Variants in STK32C observed in about 807,000 individuals in gnomAD.
STK32C encodes the protein serine/threonine kinase 32C.
STK32C carries 31 observed loss-of-function variants against 56.5 expected under a neutral mutation model. The ratio of observed to expected loss-of-function variants is 0.55; its 90% CI spans 0.41 to 0.74. The LOEUF is 0.74. Ranked by LOEUF, STK32C falls within the 30% of genes least tolerant of loss-of-function variation. The pLI is 0.00. For synonymous variants in STK32C, 309 were observed against 289.4 expected (o/e 1.07, Z -0.69); for missense variants, 544 against 676.9 (o/e 0.80, Z 2.18).
chr10:132,259,592 T>C (rs2064238341), intron 1 of STK32C, among the ~76,000 whole-genome samples: 1 of 152,218 alleles, frequency 6.6e-6, no homozygotes, highest in South Asian at 2.1e-4. Flanking sequence ...CTCTTCTACC[T>C]GCTCCAGCCA....
chr10:132,236,020 C>T lies in STK32C; in HGVS notation c.319-7892G>A, dbSNP rs908339213. 5.1e-4 allele frequency among the ~76,000 whole-genome samples: 77 copies of T among 152,300 alleles called. 2 individuals are homozygous for T. Among genetic ancestry groups the T allele is most frequent in the Admixed American group, 1.9e-3 (29 of 15,304 alleles). On this transcript the variant is annotated intron_variant, in intron 2 of 11. Transcript: ENST00000298630. ...TGTGGCTGTAACAGGATTGGTGTCGCGTCGGTCCCTGATGAGGCCGGACCC... is the reference window on the plus strand; with the variant it reads ...TGTGGCTGTAACAGGATTGGTGTCGTGTCGGTCCCTGATGAGGCCGGACCC...
At chr10:132,260,121 G>A (rs1351951167) in intron 1 of STK32C, among the ~76,000 whole-genome samples, 1 of 151,978 alleles carries the variant, frequency 6.6e-6, no homozygotes, top group Non-Finnish European at 1.5e-5. Flanking sequence ...AGGGTCACCT[G>A]GCTCAGGGAC....
intron 1 of STK32C, among the ~76,000 whole-genome samples, chr10:132,259,803 C>T (rs767743409): frequency 5.3e-5 from 8 of 152,240 alleles, no homozygotes; most frequent in Non-Finnish European, 8.8e-5. Flanking sequence ...GCCGGCATTC[C>T]GGAGCGGCCC....
rs920560162 is a variant in STK32C, at chr10:132,255,850, C to T, written c.263-9895G>A. Among the ~76,000 whole-genome samples, 1 of 152,206 alleles carries T rather than the reference C, an allele frequency of 6.6e-6. No individual in the cohort carries two copies. The highest frequency in any genetic ancestry group is 1.5e-5 in the Non-Finnish European group (1 of 68,018). The stretch of plus-strand genomic sequence containing the variant: ...AGCATTACGTGCGCTGCCCACGCAT[C>T]TCCGAGGGCCCAGCTGGCCACCTTC... On this transcript the variant is annotated intron_variant, in intron 1 of 11. Coordinates refer to ENST00000298630, the MANE Select transcript of STK32C (RefSeq NM_173575.4). The surrounding 1 kb of genome is among the most constrained non-coding windows in gnomAD (Gnocchi z 4.6).
chr10:132,290,907 C>A (rs1473437525), intron 1 of STK32C, among the ~76,000 whole-genome samples: 1 of 152,062 alleles, frequency 6.6e-6, no homozygotes, highest in Non-Finnish European at 1.5e-5. Context: ...TCCAGACCCA[C>A]CACACCCAGG....
At chr10:132,302,782 G>A (rs759673103) in intron 1 of STK32C, among the ~76,000 whole-genome samples, 6 of 152,172 alleles carry the variant, frequency 3.9e-5, no homozygotes, top group Non-Finnish European at 7.3e-5. Context: ...CCAACCGTGC[G>A]GGAGGAGCTG....
At chr10:132,222,380 A>G (rs3736260) in intron 10 of STK32C, among the ~76,000 whole-genome samples, 5,689 of 152,274 alleles carry the variant, frequency 0.037, 179 homozygotes, top group East Asian at 0.11. Flanking sequence ...CACCTGGGCA[A>G]GCACGAAGGC....
chr10:132,230,676 T>TGGTGGGGG (rs1301559652), intron 2 of STK32C, among the ~76,000 whole-genome samples: 2 of 6,772 alleles, frequency 3.0e-4, no homozygotes, highest in African/African-American at 6.2e-4. Flanking sequence ...GGGGGGAAGC[T>TGGTGGGGG]GGCGGGGGGG....
chr10:132,268,602 T>C (rs1204597011), intron 1 of STK32C, among the ~76,000 whole-genome samples: 3 of 150,190 alleles, frequency 2.0e-5, no homozygotes, highest in East Asian at 2.0e-4. Context: ...TTCAGCTCTA[T>C]GCCTGTGTGC....
chr10:132,222,656 C>T lies in STK32C; in HGVS notation c.1236G>A (p.Arg412=), dbSNP rs1463564518. 1 of 1,612,864 alleles carries T rather than the reference C, an allele frequency of 6.2e-7. No individual in the cohort carries two copies. The highest frequency in any genetic ancestry group is 1.1e-5 in the South Asian group (1 of 91,032). ...LAKNKSRDNS[R]DSSQSENDYL... is the part of the protein sequence containing the mutation. ...TGGCACTCACGGACTGGGAGCTGTC[C>T]CTGCTGTTGTCCCGGGACTTGTTCT... The change falls in exon 10 of 12, where the codon AGG becomes AGA. Residue 412 remains arginine, a synonymous_variant. Transcript: ENST00000298630.
chr10:132,243,796 G>A (rs191036082), intron 2 of STK32C, among the ~76,000 whole-genome samples: 2,725 of 152,224 alleles, frequency 0.018, 89 homozygotes, highest in African/African-American at 0.06. Flanking sequence ...GACTCTACCC[G>A]GTCAGACTCT....
At chr10:132,227,737 C>T (rs1013465078) in intron 3 of STK32C, among the ~76,000 whole-genome samples, 74 of 152,216 alleles carry the variant, frequency 4.9e-4, no homozygotes, top group African/African-American at 1.5e-3. Flanking sequence ...CCTGGTCTTC[C>T]GGCAGGCTCA....
chr10:132,300,640 A>G (rs1441090490), intron 1 of STK32C, among the ~76,000 whole-genome samples: 3 of 152,244 alleles, frequency 2.0e-5, no homozygotes, highest in African/African-American at 7.2e-5. Context: ...CTTTATCATC[A>G]ATCAGCAGGT....
chr10:132,271,869 G>GC (rs2064836820), intron 1 of STK32C, among the ~76,000 whole-genome samples: 1 of 152,232 alleles, frequency 6.6e-6, no homozygotes, highest in Non-Finnish European at 1.5e-5. Context: ...CCACGGCCCT[G>GC]CCCCTTCCCA....
At chr10:132,251,432 G>A (rs543184108) in intron 1 of STK32C, among the ~76,000 whole-genome samples, 1 of 152,160 alleles carries the variant, frequency 6.6e-6, no homozygotes, top group Non-Finnish European at 1.5e-5. Context: ...GGCCTCAGAG[G>A]GGAGTGGGCA....
downstream of STK32C, among the ~76,000 whole-genome samples, chr10:132,319,673 A>G (rs2066368200): frequency 6.6e-6 from 1 of 152,228 alleles, no homozygotes; most frequent in Admixed American, 6.5e-5. Flanking sequence ...GTGAGAGCGG[A>G]ATGGACTGCA....
At chr10:132,234,082 A>G (rs2063191232) in intron 2 of STK32C, among the ~76,000 whole-genome samples, 1 of 152,172 alleles carries the variant, frequency 6.6e-6, no homozygotes, top group Non-Finnish European at 1.5e-5. Flanking sequence ...GCTGCTCCTG[A>G]GTGGCTGAGA....
intron 1 of STK32C, among the ~76,000 whole-genome samples, chr10:132,252,441 G>A (rs977096117): frequency 3.9e-5 from 6 of 152,278 alleles, no homozygotes; most frequent in African/African-American, 1.4e-4. Flanking sequence ...GCTCCTCGGC[G>A]TGATTTACGC....
At chr10:132,323,849 G>T (rs762313705), downstream of STK32C, among the ~76,000 whole-genome samples, 1 of 152,206 alleles carries the variant, frequency 6.6e-6, no homozygotes, top group Non-Finnish European at 1.5e-5. This position sits in a 1 kb window ranked among gnomAD's most constrained non-coding sequence, Gnocchi z 4.8. Flanking sequence ...ACAGTTTCTG[G>T]TGGTGCTTTT....
Sources: allele counts gnomAD v4.1 joint callset (sites outside exome capture counted in the v4.1 genomes callset), GRCh38; gene constraint gnomAD v4.1.1; non-coding constraint Gnocchi (gnomAD v3.1); transcripts MANE v1.5; gene names NCBI Gene and HGNC (gene_info 2026-07-23, HGNC 2026-07-21).